The following ROBO2 variants were observed in gnomAD, a reference collection of about 807,000 sequenced individuals.
The protein encoded by ROBO2 is roundabout guidance receptor 2.
A neutral mutation model predicts 160.8 loss-of-function variants in ROBO2; 53 were observed. That is an observed-to-expected ratio of 0.33 (90% confidence interval 0.26 to 0.41). The LOEUF (loss-of-function observed/expected upper bound fraction) is 0.41, where lower values mean the gene tolerates loss of function less well. Ranked by LOEUF, ROBO2 falls within the 10% of genes least tolerant of loss-of-function variation. ROBO2 has a pLI of 1.00. For missense variants in ROBO2, 1,577 were observed against 1,722.4 expected (o/e 0.92, Z 1.49); for synonymous variants, 664 against 611.7 (o/e 1.09, Z -1.26).
intron 2 of ROBO2, among the ~76,000 whole-genome samples, chr3:75,995,615 C>T (rs527309156): frequency 6.6e-6 from 1 of 152,188 alleles, no homozygotes; most frequent in Non-Finnish European, 1.5e-5. Flanking sequence ...TACTGGTGCA[C>T]TGCCTAGTGG....
intron 2 of ROBO2, among the ~76,000 whole-genome samples, chr3:76,487,852 C>T (rs2079583166): frequency 6.6e-6 from 1 of 152,226 alleles, no homozygotes; most frequent in Non-Finnish European, 1.5e-5. Flanking sequence ...TTCCACATGA[C>T]TATCTCCGTG....
At chr3:76,199,808 A>ACT (rs1702434642) in intron 2 of ROBO2, among the ~76,000 whole-genome samples, 1 of 152,104 alleles carries the variant, frequency 6.6e-6, no homozygotes, top group African/African-American at 2.4e-5. Flanking sequence ...TTCGACTTTG[A>ACT]CTGCCTACAG....
intron 2 of ROBO2, among the ~76,000 whole-genome samples, chr3:76,326,500 A>G (rs1184822798): frequency 6.6e-6 from 1 of 152,212 alleles, no homozygotes; most frequent in African/African-American, 2.4e-5. Context: ...TGCATAATGC[A>G]TATATTACAT....
At chr3:76,856,831 T>C (rs989028996) in intron 2 of ROBO2, among the ~76,000 whole-genome samples, 8 of 152,220 alleles carry the variant, frequency 5.3e-5, no homozygotes, top group Non-Finnish European at 1.2e-4. Flanking sequence ...GCAGACAGAT[T>C]GCAAGAATTA....
chr3:76,551,866 A>G (rs937083380), intron 2 of ROBO2, among the ~76,000 whole-genome samples: 8 of 151,670 alleles, frequency 5.3e-5, no homozygotes, highest in Non-Finnish European at 1.0e-4. Flanking sequence ...CAGTGTCTGG[A>G]CCCCGTGCTT....
At chr3:76,929,707 A>G (rs1051626313) in intron 2 of ROBO2, among the ~76,000 whole-genome samples, 4 of 148,378 alleles carry the variant, frequency 2.7e-5, no homozygotes, top group African/African-American at 1.0e-4. Context: ...TCAGGGTAGA[A>G]GAGACTCCAG....
chr3:76,946,403 T>A (rs2078544439), intron 2 of ROBO2, among the ~76,000 whole-genome samples: 1 of 151,992 alleles, frequency 6.6e-6, no homozygotes, highest in African/African-American at 2.4e-5. Flanking sequence ...ATTCTCTCTC[T>A]AACTCTGTTT....
At chr3:76,239,312 C>T (rs904446492) in intron 2 of ROBO2, among the ~76,000 whole-genome samples, 1 of 151,696 alleles carries the variant, frequency 6.6e-6, no homozygotes. Context: ...AATTATCTGG[C>T]ATGACTTTAT....
chr3:76,775,830 T>A (rs1331816722), intron 2 of ROBO2, among the ~76,000 whole-genome samples: 2 of 150,824 alleles, frequency 1.3e-5, no homozygotes, highest in Non-Finnish European at 3.0e-5. Context: ...TGGAATAAAA[T>A]TTTTAATTAT....
Position 77,573,849 on chromosome 3 carries a change from T to A in ROBO2, c.1972-650T>A, listed in dbSNP as rs558474795. Among the ~76,000 whole-genome samples, 4 of 140,172 alleles carry A rather than the reference T, an allele frequency of 2.9e-5. No homozygotes were observed. In the South Asian group the frequency reaches 9.5e-4, roughly 33 times the overall value. 92.0% of individuals were successfully genotyped at this position (140,172 alleles called of 152,430 possible). ...TCTCATTCTTAACATTTGTTTATGC[T>A]TTTTTTTTTATGATTGTAACTTGAC... On this transcript the variant is annotated intron_variant, in intron 13 of 25. Coordinates refer to ENST00000461745, the Ensembl canonical transcript of ROBO2.
intron 2 of ROBO2, among the ~76,000 whole-genome samples, chr3:77,138,891 G>A (rs1012056135): frequency 3.3e-5 from 5 of 152,048 alleles, no homozygotes; most frequent in African/African-American, 7.2e-5. Context: ...GAGATTGGAA[G>A]TGTCTAGCTG....
chr3:76,311,770 A>G (rs931325421), intron 2 of ROBO2, among the ~76,000 whole-genome samples: 3 of 152,176 alleles, frequency 2.0e-5, no homozygotes, highest in Admixed American at 2.0e-4. Context: ...AGATCCCTGA[A>G]TTGTTGGCAG....
chr3:76,930,352 C>T (rs2077258153), intron 2 of ROBO2, among the ~76,000 whole-genome samples: 3 of 152,214 alleles, frequency 2.0e-5, no homozygotes, highest in South Asian at 4.2e-4. Flanking sequence ...CAGCTTTCTC[C>T]CTCAACTCCC....
exon 24 of ROBO2, chr3:77,634,981 A>T (rs776442612): frequency 1.9e-6 from 3 of 1,614,076 alleles, no homozygotes; most frequent in African/African-American, 2.7e-5. Context: ...ACTAAAAAAC[A>T]CAAGGGAGGG....
intron 2 of ROBO2, among the ~76,000 whole-genome samples, chr3:77,362,528 G>A (rs1381794387): frequency 1.3e-5 from 2 of 152,104 alleles, no homozygotes; most frequent in Admixed American, 6.6e-5. Context: ...AACTGACTTA[G>A]CAGGGTTCTT....
intron 12 of ROBO2, among the ~76,000 whole-genome samples, chr3:77,566,212 A>T (rs944169263): frequency 6.6e-6 from 1 of 152,002 alleles, no homozygotes; most frequent in Non-Finnish European, 1.5e-5. Context: ...TCACCACGTG[A>T]CTTTGTAACG....
intron 2 of ROBO2, among the ~76,000 whole-genome samples, chr3:76,522,247 G>A (rs1316483752): frequency 2.0e-5 from 3 of 152,128 alleles, no homozygotes; most frequent in Admixed American, 6.6e-5. Flanking sequence ...AGTAATTAGA[G>A]AAGTAAATCT....
chr3:76,013,642 G>A (rs953223430), intron 2 of ROBO2, among the ~76,000 whole-genome samples: 1 of 151,626 alleles, frequency 6.6e-6, no homozygotes, highest in African/African-American at 2.4e-5. Context: ...GCTGGGCACG[G>A]CGCCTGATGT....
At chr3:77,499,651 C>CTT (rs548250821) in intron 5 of ROBO2, among the ~76,000 whole-genome samples, 24 of 135,870 alleles carry the variant, frequency 1.8e-4, no homozygotes, top group African/African-American at 3.0e-4. Context: ...ATCACTTACG[C>CTT]TTTTTTTTTT....
Sources: gnomAD v4.1 joint callset for allele counts (sites outside exome capture counted in the v4.1 genomes callset) on GRCh38, gnomAD v4.1.1 for gene constraint, MANE v1.5 for transcripts, NCBI Gene and HGNC (gene_info 2026-07-23, HGNC 2026-07-21) for gene names.